The following PCDHA12 variants were observed in gnomAD, a reference collection of about 807,000 sequenced individuals.
The protein encoded by PCDHA12 is protocadherin alpha 12.
A neutral mutation model predicts 60.0 loss-of-function variants in PCDHA12; 44 were observed. The observed-to-expected ratio is 0.73, with a 90% CI of 0.58 to 0.94. The LOEUF is 0.94. Among genes scored for constraint, PCDHA12 ranks in the 40% least tolerant of loss-of-function variants. The pLI is 0.00. For synonymous variants in PCDHA12, 569 were observed against 553.0 expected, an observed-to-expected ratio of 1.03 and a Z score of -0.40; for missense variants, 1,276 against 1,239.7, an observed-to-expected ratio of 1.03 and a Z score of -0.44.
intron 1 of PCDHA12, chr5:140,969,419 T>C: frequency 6.4e-7 from 1 of 1,563,564 alleles, no homozygotes; most frequent in Non-Finnish European, 8.7e-7. Flanking sequence ...ATTGAGTCAT[T>C]AACAGTGACA....
intron 1 of PCDHA12, among the ~76,000 whole-genome samples, chr5:140,949,801 C>T (rs964520875): frequency 6.6e-5 from 10 of 151,836 alleles, no homozygotes; most frequent in African/African-American, 2.4e-4. Context: ...TCCTTCAATA[C>T]ATTATTTGCT....
intron 1 of PCDHA12, among the ~76,000 whole-genome samples, chr5:140,945,046 A>G (rs2093731107): frequency 2.0e-5 from 3 of 152,190 alleles, no homozygotes; most frequent in Non-Finnish European, 2.9e-5. Flanking sequence ...TTGGTCTTAT[A>G]TAAAGAAAAC....
At chr5:140,945,488 C>T (rs1362622912) in intron 1 of PCDHA12, among the ~76,000 whole-genome samples, 1 of 151,910 alleles carries the variant, frequency 6.6e-6, no homozygotes, top group Non-Finnish European at 1.5e-5. Flanking sequence ...ACCCCAAATA[C>T]CCAAAGCAAT....
At position 140,915,045 on chromosome 5, in the gene PCDHA12, A is replaced by G. The variant is rs989835419; in HGVS notation, c.2367+37206A>G. 2.0e-5 allele frequency among the ~76,000 whole-genome samples: 3 copies of G among 151,216 alleles called. No homozygotes were observed. In the East Asian group the frequency reaches 5.8e-4, roughly 29 times the overall value. On this transcript the variant is annotated intron_variant, in intron 1 of 3. Transcript: ENST00000398631. ...ACTGCAACTTCTGCCTCCTGGGTTC[A>G]AGCGATTCTCCTGCCTTAGCCTACT...
At chr5:140,891,022 G>C (rs2062905127) in intron 1 of PCDHA12, among the ~76,000 whole-genome samples, 1 of 151,804 alleles carries the variant, frequency 6.6e-6, no homozygotes, top group South Asian at 2.1e-4. Context: ...TTTTCTGAGG[G>C]TATAATCTTA....
intron 1 of PCDHA12, among the ~76,000 whole-genome samples, chr5:140,881,006 G>A (rs2058554707): frequency 6.6e-6 from 1 of 152,172 alleles, no homozygotes; most frequent in South Asian, 2.1e-4. Flanking sequence ...GGAGAGCAGA[G>A]CTATGGAAAT....
chr5:140,878,145 A>G (rs1331184448), intron 1 of PCDHA12: 4 of 183,786 alleles, frequency 2.2e-5, no homozygotes, highest in African/African-American at 9.5e-5. Flanking sequence ...CAGATGTTTG[A>G]TAACTTAAAA....
At chr5:140,911,987 G>A (rs1554195079) in intron 1 of PCDHA12, among the ~76,000 whole-genome samples, 1 of 152,086 alleles carries the variant, frequency 6.6e-6, no homozygotes, top group Admixed American at 6.6e-5. Context: ...TGATCACAAG[G>A]TCCCACAATA....
intron 1 of PCDHA12, chr5:140,929,684 A>C: frequency 3.4e-6 from 1 of 294,182 alleles, no homozygotes; most frequent in Non-Finnish European, 6.5e-6. Flanking sequence ...AATATGTAAG[A>C]GTCTGCTTTA....
intron 1 of PCDHA12, among the ~76,000 whole-genome samples, chr5:140,918,875 T>G (rs1283138930): frequency 2.0e-5 from 3 of 152,188 alleles, no homozygotes; most frequent in African/African-American, 7.2e-5. Context: ...CTTTCAAGCC[T>G]CTAGAACAGT....
rs782428365 is a variant in PCDHA12 at position 140,927,400 on chromosome 5, C to T, written c.2367+49561C>T. 7 of 1,614,126 alleles carry T rather than the reference C, an allele frequency of 4.3e-6. No homozygotes were observed. In the South Asian group the frequency reaches 5.5e-5, roughly 13 times the overall value. On this transcript the variant is annotated intron_variant, in intron 1 of 3. Transcript: ENST00000398631. ...CAGCCTAAGCCCCAGTCAGCACTTT[C>T]GCCTGGACATGGGATCGCGGGTTGA...
At chr5:140,903,500 G>A (rs553764100) in intron 1 of PCDHA12, among the ~76,000 whole-genome samples, 1 of 152,184 alleles carries the variant, frequency 6.6e-6, no homozygotes, top group African/African-American at 2.4e-5. Flanking sequence ...AGGTACCATA[G>A]ATAATAGTTC....
At position 140,916,114 on chromosome 5, in the gene PCDHA12, G is replaced by A. The variant is rs533496476; in HGVS notation, c.2367+38275G>A. On this transcript the variant is annotated intron_variant, in intron 1 of 3. Transcript: ENST00000398631. ...GGGAATCTGCCTGGCCACTGCTGAT[G>A]TTCACTTAAAGCTTAAGGGCTGTTC... 5.9e-5 allele frequency among the ~76,000 whole-genome samples: 9 copies of A among 152,238 alleles called. No homozygotes were observed. In the East Asian group the frequency reaches 1.7e-3, roughly 29 times the overall value.
intron 1 of PCDHA12, among the ~76,000 whole-genome samples, chr5:140,952,279 T>C (rs1222400527): frequency 6.7e-6 from 1 of 149,858 alleles, no homozygotes; most frequent in Non-Finnish European, 1.5e-5. Flanking sequence ...TTGAGGGTGG[T>C]GGCCCTCTTC....
Position 140,918,450 on chromosome 5 carries a change from G to A in PCDHA12, c.2367+40611G>A, listed in dbSNP as rs7725108. On this transcript the variant is annotated intron_variant, in intron 1 of 3. Transcript: ENST00000398631. ...TGTTGAATAGGAGTGGTGACAGTGGGCATCCTTGTCTTATTCCAAGTCTCA... is the reference window on the plus strand; with the variant it reads ...TGTTGAATAGGAGTGGTGACAGTGGACATCCTTGTCTTATTCCAAGTCTCA... Among the ~76,000 whole-genome samples, 323 of 152,246 alleles carry A rather than the reference G, an allele frequency of 2.1e-3. 2 individuals carry two copies. The highest frequency in any genetic ancestry group is 7.4e-3 in the African/African-American group (306 of 41,540).
At chr5:140,905,944 A>G (rs2072219566) in intron 1 of PCDHA12, among the ~76,000 whole-genome samples, 3 of 152,216 alleles carry the variant, frequency 2.0e-5, no homozygotes, top group Non-Finnish European at 4.4e-5. Flanking sequence ...AGAACTTGGA[A>G]TCCGATGTTC....
chr5:140,928,861 A>C (rs781787998), intron 1 of PCDHA12: 3 of 1,614,164 alleles, frequency 1.9e-6, no homozygotes, highest in Non-Finnish European at 2.5e-6. Context: ...TGTGCTGTTG[A>C]GCAACTCTGT....
At chr5:140,917,379 T>C (rs1393963383) in intron 1 of PCDHA12, among the ~76,000 whole-genome samples, 1 of 147,708 alleles carries the variant, frequency 6.8e-6, no homozygotes, top group African/African-American at 2.5e-5. Context: ...TCCACCTCAA[T>C]AGTCTGATGT....
intron 3 of PCDHA12, among the ~76,000 whole-genome samples, chr5:140,993,250 T>G (rs1554253518): frequency 6.6e-6 from 1 of 152,154 alleles, no homozygotes; most frequent in East Asian, 1.9e-4. Context: ...GGGATTTAGA[T>G]ATATAAATTA....
Sources: gnomAD v4.1 joint callset for allele counts (sites outside exome capture counted in the v4.1 genomes callset) on GRCh38, gnomAD v4.1.1 for gene constraint, MANE v1.5 for transcripts, NCBI Gene and HGNC (gene_info 2026-07-23, HGNC 2026-07-21) for gene names.